Variants in CECR2 observed in about 807,000 individuals in gnomAD.
CECR2 encodes the protein chromatin remodeling regulator CECR2.
CECR2 carries 30 observed loss-of-function variants against 154.5 expected under a neutral mutation model. That is an observed-to-expected ratio of 0.19 (90% confidence interval 0.15 to 0.26). The LOEUF (loss-of-function observed/expected upper bound fraction) is 0.26. Among genes scored for constraint, CECR2 ranks in the 10% least tolerant of loss-of-function variants. The pLI, the probability that CECR2 is intolerant of heterozygous loss-of-function variation, is 1.00. For synonymous variants in CECR2, 725 were observed against 683.7 expected (o/e 1.06, Z -0.94); for missense variants, 1,743 against 1,829.3 (o/e 0.95, Z 0.86).
intron 9 of CECR2, 44 bp downstream of exon 9, chr22:17,524,315 G>C (rs73159550): frequency 1.0e-5 from 16 of 1,591,640 alleles, no homozygotes; most frequent in Non-Finnish European, 1.4e-5. Context: ...CATGTCTGTC[G>C]ACCAGCCGTC....
intron 7 of CECR2, among the ~76,000 whole-genome samples, chr22:17,506,984 T>C (rs1004355740): frequency 5.9e-5 from 9 of 152,210 alleles, no homozygotes; most frequent in African/African-American, 2.2e-4. Context: ...GGTTGGTTGA[T>C]AATTATTCAG....
At chr22:17,447,186 C>T (rs1166826664) in intron 1 of CECR2, among the ~76,000 whole-genome samples, 4 of 151,368 alleles carry the variant, frequency 2.6e-5, no homozygotes, top group Non-Finnish European at 5.9e-5. Flanking sequence ...AGGTGCTGGC[C>T]ACCATGCCCG....
At chr22:17,439,459 TTATAA>T (rs1240889049) in intron 1 of CECR2, among the ~76,000 whole-genome samples, 2 of 152,120 alleles carry the variant, frequency 1.3e-5, no homozygotes, top group African/African-American at 2.4e-5. Context: ...ACGGTTAATA[TTATAA>T]TATACAAACA....
intron 8 of CECR2, among the ~76,000 whole-genome samples, chr22:17,521,580 T>C (rs1231799119): frequency 6.6e-6 from 1 of 152,172 alleles, no homozygotes; most frequent in Non-Finnish European, 1.5e-5. Context: ...TTTGCCCACT[T>C]TTTCATGGGG....
At chr22:17,545,374 C>CAAAAAAAAAAAAAAAAAAAAA (rs695493) in intron 16 of CECR2, among the ~76,000 whole-genome samples, 1 of 46,444 alleles carries the variant, frequency 2.2e-5, no homozygotes, top group African/African-American at 9.0e-5. Flanking sequence ...GACTCCGTCT[C>CAAAAAAAAAAAAAAAAAAAAA]AAAAAAAAAA....
chr22:17,384,428 C>G (rs1260713911), intron 1 of CECR2, among the ~76,000 whole-genome samples: 1 of 152,158 alleles, frequency 6.6e-6, no homozygotes, highest in African/African-American at 2.4e-5. Context: ...GTTGAAATTA[C>G]TTCTTGATCC....
At chr22:17,508,100 A>C (rs924156188) in intron 7 of CECR2, among the ~76,000 whole-genome samples, 1 of 152,228 alleles carries the variant, frequency 6.6e-6, no homozygotes, top group African/African-American at 2.4e-5. Flanking sequence ...ATAATGCCCC[A>C]AGTAACCATG....
At chr22:17,420,897 T>C (rs542896759) in intron 1 of CECR2, among the ~76,000 whole-genome samples, 18 of 152,296 alleles carry the variant, frequency 1.2e-4, no homozygotes, top group African/African-American at 4.3e-4. Context: ...ACATAACTTA[T>C]ATCACCCCTG....
intron 1 of CECR2, among the ~76,000 whole-genome samples, chr22:17,439,110 G>A (rs1026265235): frequency 3.3e-5 from 5 of 150,826 alleles, no homozygotes; most frequent in African/African-American, 1.2e-4. Context: ...TTCTAGCAGT[G>A]AATAAGACAC....
intron 1 of CECR2, among the ~76,000 whole-genome samples, chr22:17,414,500 T>C (rs201328749): frequency 9.6e-6 from 1 of 104,416 alleles, no homozygotes; most frequent in Admixed American, 9.3e-5. Flanking sequence ...ATATCAGTTT[T>C]CTTTTTTTTT....
rs371557341 is a variant in CECR2, at chr22:17,524,244, T to C, written c.1081T>C (p.Leu361=). The stretch of plus-strand genomic sequence containing the variant: ...GCTAAAGGAAGAGAGGAAACGCGAG[T>C]TGGAGGAGAAGGTCAAGGCAGTGGA... The part of the protein sequence containing the change: ...QMLKEERKRE[L]EEKVKAVEDR... The change falls in exon 9 of 19, where the codon TTG becomes CTG. Residue 361 remains leucine (L), a synonymous_variant. Coordinates refer to ENST00000262608, the MANE Select transcript of CECR2 (RefSeq NM_001290047.2). The C allele has an allele frequency of 1.6e-5, 26 of 1,608,880 alleles. No individual in the cohort carries two copies. The African/African-American group carries it at 2.4e-4, about 15-fold the overall frequency.
chr22:17,518,292 C>T (rs182212187), intron 8 of CECR2, among the ~76,000 whole-genome samples: 44 of 152,280 alleles, frequency 2.9e-4, no homozygotes, highest in African/African-American at 9.9e-4. Context: ...TTGATGTCCC[C>T]GTGCTTGACA....
intron 1 of CECR2, chr22:17,477,258 C>A: frequency 1.6e-6 from 1 of 641,504 alleles, no homozygotes; most frequent in South Asian, 1.8e-5. Flanking sequence ...TATTTATACT[C>A]GATTATATAT....
chr22:17,380,619 CTG>C (rs1415642958), intron 1 of CECR2, among the ~76,000 whole-genome samples: 3 of 152,288 alleles, frequency 2.0e-5, no homozygotes, highest in Non-Finnish European at 2.9e-5. Flanking sequence ...TCAGAACAGA[CTG>C]TGTGTACCCT....
At chr22:17,444,076 C>T (rs1338840695) in intron 1 of CECR2, among the ~76,000 whole-genome samples, 2 of 152,176 alleles carry the variant, frequency 1.3e-5, no homozygotes, top group Non-Finnish European at 1.5e-5. Flanking sequence ...CTTGGCTGGT[C>T]GGACTGGCAG....
rs182264133 is a variant in CECR2, at chr22:17,371,912, A to G, written c.126+2003A>G. Among the ~76,000 whole-genome samples, 25 of 152,364 alleles carry G rather than the reference A, an allele frequency of 1.6e-4. No homozygotes were observed. The East Asian group carries it at 2.9e-3, about 18-fold the overall frequency. On this transcript the variant is annotated intron_variant, in intron 1 of 18. Coordinates refer to ENST00000262608, the MANE Select transcript of CECR2 (RefSeq NM_001290047.2). The stretch of plus-strand genomic sequence containing the variant: ...AAATAACTTGTCTTCTGTTATAAGC[A>G]ATAAACTTGTGGTTTCTGAGAATTA...
upstream of CECR2, among the ~76,000 whole-genome samples, chr22:17,367,261 G>A (rs1373327729): frequency 1.3e-5 from 2 of 152,120 alleles, no homozygotes; most frequent in Non-Finnish European, 2.9e-5. Context: ...TCTGCTTGCT[G>A]GTGTCATTAA....
chr22:17,475,327 G>C (rs1036986268), intron 1 of CECR2, among the ~76,000 whole-genome samples: 1 of 152,046 alleles, frequency 6.6e-6, no homozygotes, highest in Non-Finnish European at 1.5e-5. Context: ...CATTGGCCGG[G>C]GGGAGCAGCT....
chr22:17,363,465 C>T (rs1294548076), intron 1 of CECR2, among the ~76,000 whole-genome samples: 1 of 152,114 alleles, frequency 6.6e-6, no homozygotes, highest in African/African-American at 2.4e-5. Context: ...GCCTTGGCCT[C>T]CCAAAGTGGT....
Sources: allele counts gnomAD v4.1 joint callset (sites outside exome capture counted in the v4.1 genomes callset), GRCh38; gene constraint gnomAD v4.1.1; transcripts MANE v1.5; gene names NCBI Gene and HGNC (gene_info 2026-07-23, HGNC 2026-07-21).